Variants in CNTN4 observed in about 807,000 individuals in gnomAD.
CNTN4 encodes contactin 4, also known as contactin-4.
In CNTN4, 77 loss-of-function variants were observed where a neutral mutation model predicts 122.5. The observed-to-expected ratio is 0.63, with a 90% CI of 0.52 to 0.76. The LOEUF is 0.76. Among genes scored for constraint, CNTN4 ranks in the 30% least tolerant of loss-of-function variants. The pLI is 0.00. For missense variants in CNTN4, 1,256 were observed against 1,259.1 expected (o/e 1.00, Z 0.04); for synonymous variants, 512 against 447.0 (o/e 1.15, Z -1.83).
intron 2 of CNTN4, among the ~76,000 whole-genome samples, chr3:2,149,260 C>G (rs2035388967): frequency 6.6e-6 from 1 of 152,136 alleles, no homozygotes; most frequent in South Asian, 2.1e-4. Context: ...TTGTAGAAAT[C>G]CCGTGACCAT....
At chr3:2,912,421 G>A (rs2094310547) in intron 12 of CNTN4, among the ~76,000 whole-genome samples, 1 of 152,278 alleles carries the variant, frequency 6.6e-6, no homozygotes, top group African/African-American at 2.4e-5. Context: ...GGTTTACCCT[G>A]CAAGAAATGC....
At chr3:2,840,793 G>A (rs1190598725) in intron 7 of CNTN4, among the ~76,000 whole-genome samples, 1 of 152,086 alleles carries the variant, frequency 6.6e-6, no homozygotes, top group Non-Finnish European at 1.5e-5. Context: ...GACTACTGGA[G>A]TAAGAATACT....
chr3:3,020,295 A>C (rs1319295395), intron 14 of CNTN4, among the ~76,000 whole-genome samples: 1 of 152,204 alleles, frequency 6.6e-6, no homozygotes, highest in African/African-American at 2.4e-5. Flanking sequence ...ATAAAAGTGT[A>C]AGATCTAGTC....
At chr3:2,698,223 T>A (rs1477459423) in intron 4 of CNTN4, among the ~76,000 whole-genome samples, 1 of 152,234 alleles carries the variant, frequency 6.6e-6, no homozygotes, top group African/African-American at 2.4e-5. Flanking sequence ...TTTACTATTT[T>A]GTAAATAAGG....
At chr3:2,604,579 G>A (rs920733321) in intron 4 of CNTN4, among the ~76,000 whole-genome samples, 18 of 152,124 alleles carry the variant, frequency 1.2e-4, no homozygotes, top group African/African-American at 1.7e-4. Flanking sequence ...GAAAAGGGGG[G>A]AAATAATATA....
At chr3:2,125,450 C>T (rs974373349) in intron 2 of CNTN4, among the ~76,000 whole-genome samples, 3 of 151,370 alleles carry the variant, frequency 2.0e-5, no homozygotes, top group Non-Finnish European at 2.9e-5. Flanking sequence ...TAAGTAAACT[C>T]CAATGATCAT....
At chr3:2,594,467 G>C (rs1416608953) in intron 4 of CNTN4, among the ~76,000 whole-genome samples, 1 of 134,998 alleles carries the variant, frequency 7.4e-6, no homozygotes, top group African/African-American at 2.8e-5. Context: ...CAGCCAGGCT[G>C]TAGTGCAGTG....
At chr3:2,194,803 C>T (rs566540202) in intron 2 of CNTN4, among the ~76,000 whole-genome samples, 41 of 152,172 alleles carry the variant, frequency 2.7e-4, no homozygotes, top group African/African-American at 9.4e-4. Context: ...AGCAAACCAC[C>T]AGAAGCTATG....
intron 13 of CNTN4, among the ~76,000 whole-genome samples, chr3:2,985,855 A>G (rs1337673425): frequency 2.6e-5 from 4 of 152,074 alleles, no homozygotes; most frequent in Non-Finnish European, 5.9e-5. Context: ...AAGAAAATAT[A>G]TTAAAATGAT....
At chr3:3,018,902 A>T (rs1698013958) in intron 14 of CNTN4, among the ~76,000 whole-genome samples, 1 of 152,214 alleles carries the variant, frequency 6.6e-6, no homozygotes, top group Admixed American at 6.5e-5. Context: ...AAAGTAAAGA[A>T]ACACTTAATG....
At chr3:2,598,472 T>G (rs2080875924) in intron 4 of CNTN4, among the ~76,000 whole-genome samples, 1 of 152,142 alleles carries the variant, frequency 6.6e-6, no homozygotes, top group Admixed American at 6.5e-5. Context: ...AAGAACCAAT[T>G]TCAATTTGAT....
intron 2 of CNTN4, among the ~76,000 whole-genome samples, chr3:2,104,762 T>C (rs1308047063): frequency 1.3e-5 from 2 of 152,092 alleles, no homozygotes; most frequent in East Asian, 3.9e-4. Flanking sequence ...GAAAACAGGT[T>C]TGGTAAATAA....
chr3:2,818,938 A>T (rs1398264063), intron 6 of CNTN4, among the ~76,000 whole-genome samples: 1 of 152,220 alleles, frequency 6.6e-6, no homozygotes, highest in Non-Finnish European at 1.5e-5. Flanking sequence ...CTCTGGGTAT[A>T]TATGGAGAGA....
intron 6 of CNTN4, among the ~76,000 whole-genome samples, chr3:2,804,784 A>G (rs1371388843): frequency 6.8e-6 from 1 of 147,952 alleles, no homozygotes; most frequent in Non-Finnish European, 1.5e-5. Flanking sequence ...GCTGGTTGCA[A>G]ACTCCTGGGC....
chr3:2,470,876 A>G (rs982124512), intron 3 of CNTN4, among the ~76,000 whole-genome samples: 4 of 152,206 alleles, frequency 2.6e-5, no homozygotes, highest in Non-Finnish European at 5.9e-5. Flanking sequence ...GACGTCTGGT[A>G]TATGTAAGGT....
intron 4 of CNTN4, among the ~76,000 whole-genome samples, chr3:2,733,506 A>T (rs540170073): frequency 1.3e-4 from 19 of 142,562 alleles, no homozygotes; most frequent in Admixed American, 3.5e-4. Flanking sequence ...TTAAACACAA[A>T]TTTTTTTTTT....
intron 4 of CNTN4, among the ~76,000 whole-genome samples, chr3:2,596,704 T>C (rs1056818375): frequency 1.3e-5 from 2 of 152,202 alleles, no homozygotes; most frequent in Non-Finnish European, 2.9e-5. Context: ...ACTCTACTAG[T>C]GGAAGCAGGA....
At chr3:2,994,804 C>G (rs1695382868) in intron 14 of CNTN4, among the ~76,000 whole-genome samples, 1 of 152,026 alleles carries the variant, frequency 6.6e-6, no homozygotes, top group African/African-American at 2.4e-5. Flanking sequence ...TTTGAAGCAG[C>G]CCAATCTTCT....
chr3:2,485,757 G>A (rs956424144), intron 3 of CNTN4, among the ~76,000 whole-genome samples: 2 of 152,168 alleles, frequency 1.3e-5, no homozygotes, highest in East Asian at 3.9e-4. Flanking sequence ...GCACCAATCA[G>A]TGCTCTGTGT....
Sources: allele counts gnomAD v4.1 joint callset (sites outside exome capture counted in the v4.1 genomes callset), GRCh38; gene constraint gnomAD v4.1.1; transcripts MANE v1.5; gene names NCBI Gene and HGNC (gene_info 2026-07-23, HGNC 2026-07-21).